The following CSMD2 variants were observed in gnomAD, a reference collection of about 807,000 sequenced individuals.
The protein encoded by CSMD2 is CUB and sushi domain-containing protein 2.
A neutral mutation model predicts 398.5 loss-of-function variants in CSMD2; 130 were observed. The ratio of observed to expected loss-of-function variants is 0.33; its 90% CI spans 0.28 to 0.38. CSMD2 has a LOEUF of 0.38. CSMD2 is among the 10% of genes least tolerant of loss of function. The pLI is 1.00. For synonymous variants in CSMD2, 1,828 were observed against 1,908.5 expected, an observed-to-expected ratio of 0.96 and a Z score of 1.10; for missense variants, 3,829 against 4,764.9, an observed-to-expected ratio of 0.80 and a Z score of 5.78.
chr1:33,999,659 T>C (rs886258363), intron 3 of CSMD2, among the ~76,000 whole-genome samples: 1 of 152,132 alleles, frequency 6.6e-6, no homozygotes, highest in Non-Finnish European at 1.5e-5. Flanking sequence ...TTCAAAGTGC[T>C]AGGATTACAG....
At position 34,164,245 on chromosome 1, in the gene CSMD2, C is replaced by T. The variant is rs1385184525; in HGVS notation, c.187+666G>A. ...CTTCCCATCCCTCAACACCCTCCAGCCCCCACCTGCACCCTCCTGCAAGGA... is the reference window on the plus strand; with the variant it reads ...CTTCCCATCCCTCAACACCCTCCAGTCCCCACCTGCACCCTCCTGCAAGGA... On this transcript the variant is annotated intron_variant, in intron 1 of 70. Coordinates refer to ENST00000373381, the MANE Select transcript of CSMD2 (RefSeq NM_001281956.2). This position sits in a 1 kb window ranked among gnomAD's most constrained non-coding sequence, Gnocchi z 6.2. Among the ~76,000 whole-genome samples, 1 of 152,076 alleles carries T rather than the reference C, an allele frequency of 6.6e-6. No homozygotes were observed. The highest frequency in any genetic ancestry group is 2.4e-5 in the African/African-American group (1 of 41,436).
At chr1:33,563,885 TTGTA>T (rs1658806877) in intron 53 of CSMD2, among the ~76,000 whole-genome samples, 1 of 152,148 alleles carries the variant, frequency 6.6e-6, no homozygotes, top group Non-Finnish European at 1.5e-5. Flanking sequence ...AACCTTGACT[TTGTA>T]TGTACTGGCA....
At chr1:33,855,589 A>C (rs1558008599) in intron 5 of CSMD2, among the ~76,000 whole-genome samples, 1 of 152,090 alleles carries the variant, frequency 6.6e-6, no homozygotes, top group Non-Finnish European at 1.5e-5. Flanking sequence ...GTCTGACTGG[A>C]CAGAATCTAA....
chr1:33,648,084 C>T (rs1161540988), intron 28 of CSMD2, among the ~76,000 whole-genome samples: 9 of 152,040 alleles, frequency 5.9e-5, no homozygotes, highest in African/African-American at 1.7e-4. Flanking sequence ...GGCTTTTGGC[C>T]GGGCATGGTG....
At chr1:33,925,863 C>T (rs1030361963) in intron 4 of CSMD2, among the ~76,000 whole-genome samples, 2 of 152,080 alleles carry the variant, frequency 1.3e-5, no homozygotes, top group Admixed American at 6.6e-5. Context: ...CTAAGCATTG[C>T]CTTGCTCCAG....
chr1:33,892,094 A>T (rs1248873384), intron 5 of CSMD2, among the ~76,000 whole-genome samples: 1 of 23,226 alleles, frequency 4.3e-5, no homozygotes, highest in Non-Finnish European at 1.4e-4. Context: ...AGACACCATC[A>T]AAAAAAAAAT....
chr1:34,121,362 C>T (rs1238038126), intron 1 of CSMD2, among the ~76,000 whole-genome samples: 7 of 152,272 alleles, frequency 4.6e-5, no homozygotes, highest in South Asian at 4.2e-4. Flanking sequence ...GTCCCTGTCC[C>T]GGGTCTCTTC....
chr1:34,124,556 T>C (rs1241922291), intron 1 of CSMD2, among the ~76,000 whole-genome samples: 2 of 152,170 alleles, frequency 1.3e-5, no homozygotes, highest in Non-Finnish European at 2.9e-5. Context: ...TTGCCTTGTT[T>C]TCTCCCCATT....
intron 1 of CSMD2, among the ~76,000 whole-genome samples, chr1:34,134,579 G>A (rs1638518944): frequency 6.6e-6 from 1 of 152,134 alleles, no homozygotes; most frequent in African/African-American, 2.4e-5. Flanking sequence ...AAATTTAAGT[G>A]CATAAATATG....
chr1:33,688,984 G>A (rs1230405226), intron 25 of CSMD2, among the ~76,000 whole-genome samples: 4 of 151,584 alleles, frequency 2.6e-5, no homozygotes, highest in Admixed American at 6.6e-5. Flanking sequence ...ATTCAAGACA[G>A]GTGTGTGTGT....
chr1:33,771,774 G>C (rs927244799), intron 13 of CSMD2, among the ~76,000 whole-genome samples: 1 of 152,204 alleles, frequency 6.6e-6, no homozygotes, highest in African/African-American at 2.4e-5. Context: ...CCTGAGAGAA[G>C]CACATGGAAA....
chr1:33,559,502 C>T lies in CSMD2; in HGVS notation c.8381-29G>A. ...TAACCAAAACAGAAGATAGGTAAGCCCTCCTACTATTCCACACCCCTCAGA... is the reference window on the plus strand; with the variant it reads ...TAACCAAAACAGAAGATAGGTAAGCTCTCCTACTATTCCACACCCCTCAGA... On this transcript the variant is annotated intron_variant, in intron 53 of 70. Transcript: ENST00000373381. This position sits in a 1 kb window ranked among gnomAD's most constrained non-coding sequence, Gnocchi z 4.0. 1.3e-6 allele frequency: 2 copies of T among 1,533,322 alleles called. No homozygotes were observed. Among genetic ancestry groups the T allele is most frequent in the Non-Finnish European group, 1.7e-6 (2 of 1,144,716 alleles). 95.0% of individuals were successfully genotyped at this position (1,533,322 alleles called of 1,614,324 possible).
intron 2 of CSMD2, among the ~76,000 whole-genome samples, chr1:34,058,877 G>A (rs1462453453): frequency 6.6e-6 from 1 of 152,158 alleles, no homozygotes. Flanking sequence ...AGCCATGGAT[G>A]CTATATTTTT....
chr1:33,608,997 G>T (rs532329979), intron 41 of CSMD2, among the ~76,000 whole-genome samples: 2 of 152,288 alleles, frequency 1.3e-5, no homozygotes, highest in African/African-American at 4.8e-5. Flanking sequence ...ACGGCCATCC[G>T]ACGCGTCATG....
chr1:33,875,193 G>A (rs1190682434), intron 5 of CSMD2, among the ~76,000 whole-genome samples: 2 of 152,172 alleles, frequency 1.3e-5, no homozygotes, highest in Non-Finnish European at 2.9e-5. Flanking sequence ...GATTTTTCTA[G>A]GTTTGAGGTC....
intron 26 of CSMD2, among the ~76,000 whole-genome samples, chr1:33,660,553 C>T (rs554646684): frequency 6.6e-6 from 1 of 152,302 alleles, no homozygotes; most frequent in East Asian, 1.9e-4. Flanking sequence ...GTTCTCTCTT[C>T]CCTAGAGTAG....
intron 5 of CSMD2, among the ~76,000 whole-genome samples, chr1:33,914,096 A>G (rs1285043370): frequency 6.6e-6 from 1 of 152,138 alleles, no homozygotes; most frequent in Non-Finnish European, 1.5e-5. Flanking sequence ...GAGGAAGCTT[A>G]TCAAAGGTGA....
intron 25 of CSMD2, among the ~76,000 whole-genome samples, chr1:33,683,925 G>A (rs891450250): frequency 6.6e-6 from 1 of 152,196 alleles, no homozygotes; most frequent in African/African-American, 2.4e-5. Context: ...GGTTTAACTT[G>A]CTATAATTGC....
chr1:33,905,620 T>C (rs1643040900), intron 5 of CSMD2, among the ~76,000 whole-genome samples: 2 of 152,136 alleles, frequency 1.3e-5, no homozygotes, highest in South Asian at 4.2e-4. Context: ...TAATAGGGGT[T>C]TGATGGGTGC....
Sources: gnomAD v4.1 joint callset for allele counts (sites outside exome capture counted in the v4.1 genomes callset) on GRCh38, gnomAD v4.1.1 for gene constraint, Gnocchi (gnomAD v3.1) non-coding constraint, MANE v1.5 for transcripts, NCBI Gene and HGNC (gene_info 2026-07-23, HGNC 2026-07-21) for gene names.